PPFIA4: variants seen among roughly 807,000 people sequenced by gnomAD.
PPFIA4 encodes liprin-alpha-4.
PPFIA4 carries 98 observed loss-of-function variants against 145.7 expected under a neutral mutation model. The observed-to-expected ratio is 0.67, with a 90% CI of 0.57 to 0.80. The LOEUF (loss-of-function observed/expected upper bound fraction) is 0.80. Among genes scored for constraint, PPFIA4 ranks in the 30% least tolerant of loss-of-function variants. The probability of loss-of-function intolerance (pLI) is 0.00; values close to 1 mark genes in which losing one functional copy is unlikely to be tolerated. For missense variants in PPFIA4, 1,457 were observed against 1,632.7 expected (o/e 0.89, Z 1.85); for synonymous variants, 628 against 649.6 (o/e 0.97, Z 0.51).
At chr1:203,040,493 G>A (rs181620718) in intron 2 of PPFIA4, among the ~76,000 whole-genome samples, 17 of 152,300 alleles carry the variant, frequency 1.1e-4, no homozygotes, top group Admixed American at 1.1e-3. Flanking sequence ...AGTTGGGTGG[G>A]CAGGTGGGGA....
intron 15 of PPFIA4, among the ~76,000 whole-genome samples, chr1:203,054,695 CACACACAT>C (rs1371389068): frequency 1.3e-5 from 2 of 151,868 alleles, no homozygotes; most frequent in African/African-American, 4.8e-5. Flanking sequence ...CACACACACA[CACACACAT>C]ACACACACAG....
In PPFIA4 at chr1:203,039,676, A is replaced by G. The variant is rs570962262; in HGVS notation, c.234+434A>G. Among the ~76,000 whole-genome samples the G allele has an allele frequency of 6.1e-4, 93 of 152,354 alleles. 4 individuals are homozygous for G. In the South Asian group the frequency reaches 0.019, roughly 31 times the overall value. On this transcript the variant is annotated intron_variant, in intron 2 of 29. Transcript: ENST00000295706. ...AAAAAAGCAAGAGACATCACATGGA[A>G]GATGATAGGCAGGGCTGAATCTAGC...
At chr1:203,056,980 G>T (rs1319761896) in intron 19 of PPFIA4, 30 bp downstream of exon 19, 1 of 1,611,058 alleles carries the variant, frequency 6.2e-7, no homozygotes, top group Non-Finnish European at 8.5e-7. Context: ...CGGAGGTCTG[G>T]GCGGGCATTG....
chr1:203,046,418 C>G, intron 9 of PPFIA4, 36 bp downstream of exon 9: 1 of 1,554,210 alleles, frequency 6.4e-7, no homozygotes, highest in Non-Finnish European at 8.7e-7. Flanking sequence ...TGCCTCTGTC[C>G]CCCATGTTCT....
Position 203,055,786 on chromosome 1 carries a change from G to A in PPFIA4, c.2070+114G>A. On this transcript the variant is annotated intron_variant, in intron 16 of 29. Coordinates refer to ENST00000295706, the MANE Select transcript of PPFIA4 (RefSeq NM_001304331.2). The surrounding 1 kb of genome is among the most constrained non-coding windows in gnomAD (Gnocchi z 4.8). Reference sequence around the variant, plus strand: ...CTGGGCCTGCCATCTTCTTCCCATGGTGTGTGCAGACCCCGACATGTCAGG... The same window carrying A: ...CTGGGCCTGCCATCTTCTTCCCATGATGTGTGCAGACCCCGACATGTCAGG... 1 of 1,498,724 alleles carries A rather than the reference G, an allele frequency of 6.7e-7. No homozygotes were observed. The highest frequency in any genetic ancestry group is 1.2e-5 in the South Asian group (1 of 80,552). The allele number at this position is 1,498,724 out of a possible 1,614,324, so 92.8% of individuals were successfully genotyped here.
rs745682689 is a variant in PPFIA4 at position 203,049,729 on chromosome 1, G to T, written c.1473G>T (p.Lys491Asn). 5 of 1,588,442 alleles carry T rather than the reference G, an allele frequency of 3.1e-6. No individual in the cohort carries two copies. Among genetic ancestry groups the T allele is most frequent in the Non-Finnish European group, 4.3e-6 (5 of 1,166,602 alleles). Residue 491 changes from lysine (K) to asparagine (N), a missense_variant, in exon 13 of 30, where the codon AAG becomes AAT. By Grantham distance (94) the Lys-to-Asn change is moderately conservative. Coordinates refer to ENST00000295706, the MANE Select transcript of PPFIA4 (RefSeq NM_001304331.2). ...EKLRQEVDQLKGRGGPFVDGV... is the reference protein window; with the variant it reads ...EKLRQEVDQLNGRGGPFVDGV... ...TGCGCCAAGAGGTGGACCAGCTGAA[G>T]GGCCGAGGGGGGCCGTTTGTGGATG...
At chr1:203,049,151 A>G (rs1660312605) in intron 12 of PPFIA4, among the ~76,000 whole-genome samples, 171 bp downstream of exon 12, 1 of 152,222 alleles carries the variant, frequency 6.6e-6, no homozygotes, top group African/African-American at 2.4e-5. Context: ...TGGTAGGTGC[A>G]TTACTGCCCA....
At chr1:203,053,268 C>T (rs894486692) in intron 14 of PPFIA4, among the ~76,000 whole-genome samples, 1 of 149,902 alleles carries the variant, frequency 6.7e-6, no homozygotes, top group Non-Finnish European at 1.5e-5. Context: ...CACGGTGGCT[C>T]ACGCTTGTAA....
At position 203,046,347 on chromosome 1, in the gene PPFIA4, G is replaced by A. The variant is rs943431069; in HGVS notation, c.1105G>A (p.Ala369Thr). ...GGCAGAGACGCTGCCAGAGGTGGAG[G>A]CTGAGCTGGCCCAGAGAATTGCAGC... The part of the protein sequence containing the change: ...RKAETLPEVE[A>T]ELAQRIAALT... Residue 369 changes from alanine to threonine, a missense_variant, in exon 9 of 30, where the codon GCT becomes ACT. Around this residue, in one of 3 missense-constraint regions of PPFIA4, gnomAD observed 848 missense variants for 1,046.7 expected, o/e 0.81. Coordinates refer to ENST00000295706, the MANE Select transcript of PPFIA4 (RefSeq NM_001304331.2). 28 of 1,591,090 alleles carry A rather than the reference G, an allele frequency of 1.8e-5. No homozygotes were observed. The highest frequency in any genetic ancestry group is 2.4e-5 in the Non-Finnish European group (28 of 1,169,888).
chr1:203,052,981 T>C (rs1435957473), intron 14 of PPFIA4, among the ~76,000 whole-genome samples: 1 of 152,262 alleles, frequency 6.6e-6, no homozygotes, highest in African/African-American at 2.4e-5. Context: ...TATGTAGTGC[T>C]TGCTTTGTGC....
At chr1:203,059,304 G>C (rs112488155) in intron 20 of PPFIA4, 33 bp downstream of exon 20, 1 of 1,457,516 alleles carries the variant, frequency 6.9e-7, no homozygotes, top group African/African-American at 1.4e-5. Context: ...TGCCAGGGTG[G>C]GGCCCAGCCC....
At chr1:203,072,042 C>T (rs1433805797) in intron 28 of PPFIA4, among the ~76,000 whole-genome samples, 2 of 152,182 alleles carry the variant, frequency 1.3e-5, no homozygotes, top group Non-Finnish European at 2.9e-5. Context: ...CTGTGCCCCG[C>T]CTTCCTATCC....
At chr1:203,051,508 T>C (rs1660503066) in intron 13 of PPFIA4, 2 of 674,160 alleles carry the variant, frequency 3.0e-6, no homozygotes, top group South Asian at 9.1e-5. Context: ...ACTCTTGCCA[T>C]TAGAAGATCC....
chr1:203,060,154 T>G lies in PPFIA4; in HGVS notation c.2584-63T>G. On this transcript the variant is annotated intron_variant, in intron 21 of 29. Transcript: ENST00000295706. This position sits in a 1 kb window ranked among gnomAD's most constrained non-coding sequence, Gnocchi z 4.8. ...GAGGCCTGGCCCTTGCCCCTTGCTG[T>G]TGCCAAACTCTTGGTGGTAGGGCCC... 6.4e-7 allele frequency: 1 copy of G among 1,552,476 alleles called. No homozygotes were observed. The highest frequency in any genetic ancestry group is 1.2e-5 in the South Asian group (1 of 86,508).
chr1:203,061,100 G>C, intron 23 of PPFIA4, 68 bp downstream of exon 23: 2 of 1,465,712 alleles, frequency 1.4e-6, no homozygotes, highest in Non-Finnish European at 1.9e-6. Flanking sequence ...GAGGATGAGG[G>C]GAAGGCTGTG....
intron 28 of PPFIA4, among the ~76,000 whole-genome samples, chr1:203,074,614 G>C (rs915030574): frequency 1.3e-4 from 20 of 152,112 alleles, no homozygotes; most frequent in African/African-American, 4.8e-4. Flanking sequence ...GGGCTGGGAG[G>C]GGTTGTTGAG....
rs914027076 is a variant in PPFIA4, at chr1:203,075,896, C to T, written c.3574+139C>T. 42 of 898,574 alleles carry T rather than the reference C, an allele frequency of 4.7e-5. No homozygotes were observed. The Middle Eastern group carries it at 1.1e-3, about 24-fold the overall frequency. 55.7% of individuals were successfully genotyped at this position (898,574 alleles called of 1,614,324 possible). On this transcript the variant is annotated intron_variant, in intron 29 of 29. Transcript: ENST00000295706. The surrounding 1 kb of genome is among the most constrained non-coding windows in gnomAD (Gnocchi z 4.1). ...CTCCTGCGCTGCAGCTGCACTAACG[C>T]TCCGCGGGGAGCGTGTGTGCGCACT...
In PPFIA4 at chr1:203,043,518, T is replaced by A; in HGVS notation, c.336+20T>A. ...ACACGGGTAAGTGGGGATGACCTTG[T>A]GTCGCGCGCGCGCACGTGTGTGTGT... On this transcript the variant is annotated intron_variant, in intron 3 of 29. Coordinates refer to ENST00000295706, the MANE Select transcript of PPFIA4 (RefSeq NM_001304331.2). The surrounding 1 kb of genome is among the most constrained non-coding windows in gnomAD (Gnocchi z 4.4). 6.3e-7 allele frequency: 1 copy of A among 1,591,940 alleles called. No individual in the cohort carries two copies. Among genetic ancestry groups the A allele is most frequent in the Non-Finnish European group, 8.6e-7 (1 of 1,168,122 alleles).
chr1:203,067,980 T>A (rs1383160391), intron 26 of PPFIA4, among the ~76,000 whole-genome samples, 188 bp downstream of exon 26: 2 of 151,928 alleles, frequency 1.3e-5, no homozygotes, highest in Non-Finnish European at 2.9e-5. Context: ...TGTCTATAAT[T>A]CCCCTCCCTC....
Sources: allele counts gnomAD v4.1 joint callset (sites outside exome capture counted in the v4.1 genomes callset), GRCh38; gene constraint gnomAD v4.1.1; regional missense constraint gnomAD v4.1.1; non-coding constraint Gnocchi (gnomAD v3.1); transcripts MANE v1.5; gene names NCBI Gene and HGNC (gene_info 2026-07-23, HGNC 2026-07-21).